The following ABHD12 variants were observed in gnomAD, a reference collection of about 807,000 sequenced individuals.
ABHD12 encodes lysophosphatidylserine lipase ABHD12.
ABHD12 carries 43 observed loss-of-function variants against 58.3 expected under a neutral mutation model. That is an observed-to-expected ratio of 0.74 (90% CI 0.58 to 0.95). The LOEUF is 0.95. Among genes scored for constraint, ABHD12 ranks in the 40% least tolerant of loss-of-function variants. The pLI, the probability that ABHD12 is intolerant of heterozygous loss-of-function variation, is 0.00. For missense variants in ABHD12, 539 were observed against 537.2 expected (o/e 1.00, Z -0.03); for synonymous variants, 219 against 211.2 (o/e 1.04, Z -0.32).
intron 2 of ABHD12, 156 bp downstream of exon 2, chr20:25,339,071 G>A (rs1345488889): frequency 1.7e-5 from 24 of 1,404,530 alleles, no homozygotes; most frequent in Non-Finnish European, 2.3e-5. Context: ...TATCTCTAAA[G>A]ATATAGGTAT....
intron 1 of ABHD12, among the ~76,000 whole-genome samples, chr20:25,342,103 C>CAAAAAA (rs11476197): frequency 4.3e-5 from 3 of 69,774 alleles, no homozygotes; most frequent in Admixed American, 1.5e-4. Flanking sequence ...AACTCTGTCT[C>CAAAAAA]AAAAAAAAAA....
intron 1 of ABHD12, among the ~76,000 whole-genome samples, chr20:25,387,681 A>G (rs537942968): frequency 2.0e-5 from 3 of 151,458 alleles, no homozygotes; most frequent in African/African-American, 7.3e-5. Context: ...TCTGGGCTGC[A>G]GTGGGCCATG....
At chr20:25,355,793 G>A (rs545211581) in intron 1 of ABHD12, among the ~76,000 whole-genome samples, 2 of 152,156 alleles carry the variant, frequency 1.3e-5, no homozygotes, top group African/African-American at 2.4e-5. Flanking sequence ...TCCTGATCTC[G>A]TGATCCACCG....
At chr20:25,313,097 A>T (rs1322275886) in intron 6 of ABHD12, among the ~76,000 whole-genome samples, 1 of 151,558 alleles carries the variant, frequency 6.6e-6, no homozygotes, top group African/African-American at 2.5e-5. Context: ...CCAACAGCTC[A>T]TTGAGAACGG....
intron 2 of ABHD12, among the ~76,000 whole-genome samples, chr20:25,323,802 G>C (rs2089125311): frequency 6.6e-6 from 1 of 152,236 alleles, no homozygotes; most frequent in Non-Finnish European, 1.5e-5. Flanking sequence ...CAGGTCTGAA[G>C]GATGGGCCAG....
intron 1 of ABHD12, among the ~76,000 whole-genome samples, chr20:25,357,942 T>C (rs1222901513): frequency 6.6e-6 from 1 of 151,774 alleles, no homozygotes; most frequent in Non-Finnish European, 1.5e-5. Context: ...GCCTGGGAGG[T>C]CGAGACTACA....
intron 1 of ABHD12, among the ~76,000 whole-genome samples, chr20:25,350,959 TCACACACACACACACACA>T (rs61061019): frequency 0.41 from 58,842 of 142,196 alleles, 12,302 homozygotes; most frequent in Non-Finnish European, 0.47. Flanking sequence ...TACGAATCCT[TCACACACACACACACACA>T]CACACACACA....
At chr20:25,296,437 G>A (rs1464344437), downstream of ABHD12, 20 of 1,613,870 alleles carry the variant, frequency 1.2e-5, no homozygotes, top group Non-Finnish European at 1.7e-5. Context: ...TCCAGTGACC[G>A]GACCATCACG....
At chr20:25,305,539 T>A (rs1043745179) in intron 10 of ABHD12, among the ~76,000 whole-genome samples, 2 of 152,018 alleles carry the variant, frequency 1.3e-5, no homozygotes, top group Admixed American at 1.3e-4. Flanking sequence ...ATTTTTGTAT[T>A]TTTAGTAGAG....
At chr20:25,308,348 T>G (rs1197955836) in intron 8 of ABHD12, 109 bp downstream of exon 8, 3 of 1,406,858 alleles carry the variant, frequency 2.1e-6, no homozygotes, top group African/African-American at 2.8e-5. Context: ...CCCCCCAGAA[T>G]GTGCAGCTCA....
At chr20:25,362,434 G>A (rs1220029604) in intron 1 of ABHD12, among the ~76,000 whole-genome samples, 3 of 151,908 alleles carry the variant, frequency 2.0e-5, no homozygotes, top group Admixed American at 2.0e-4. Flanking sequence ...GGGCGTGGTG[G>A]CGGGTGCCTA....
intron 1 of ABHD12, among the ~76,000 whole-genome samples, chr20:25,346,115 A>C (rs2089514786): frequency 6.6e-6 from 1 of 152,190 alleles, no homozygotes; most frequent in Non-Finnish European, 1.5e-5. Context: ...GGACAATGGA[A>C]TATTATTCAG....
chr20:25,328,989 G>A (rs2089222108), intron 2 of ABHD12, among the ~76,000 whole-genome samples: 1 of 152,218 alleles, frequency 6.6e-6, no homozygotes, highest in East Asian at 1.9e-4. Flanking sequence ...TGAGATGAGT[G>A]GTGAGACGGG....
downstream of ABHD12, chr20:25,298,151 G>T (rs1482875884): frequency 2.0e-5 from 3 of 152,244 alleles, no homozygotes; most frequent in Admixed American, 6.5e-5. Context: ...CAGGTCCCCC[G>T]TCTGAAACTA....
At chr20:25,335,772 A>G (rs192637737) in intron 2 of ABHD12, among the ~76,000 whole-genome samples, 1,947 of 144,312 alleles carry the variant, frequency 0.013, 22 homozygotes, top group Middle Eastern at 0.032. Flanking sequence ...ACACATGGAC[A>G]CAGGAAGGGG....
rs188992399 is a variant in ABHD12, at chr20:25,322,474, C to A, written c.422+851G>T. On this transcript the variant is annotated intron_variant, in intron 3 of 12. Coordinates refer to ENST00000339157, the MANE Select transcript of ABHD12 (RefSeq NM_001042472.3). ...AGCTCACTGCAGCCTCTGCCTCCTG[C>A]GTTCAAGCAATTCTCTTGCCTCAAA... 6.9e-3 allele frequency among the ~76,000 whole-genome samples: 986 copies of A among 143,188 alleles called. 5 individuals carry two copies. Among genetic ancestry groups the A allele is most frequent in the Middle Eastern group, 0.019 (5 of 268 alleles). 93.9% of individuals were successfully genotyped at this position (143,188 alleles called of 152,430 possible).
intron 1 of ABHD12, among the ~76,000 whole-genome samples, chr20:25,383,886 C>T (rs2090051648): frequency 2.1e-5 from 3 of 141,842 alleles, no homozygotes; most frequent in Middle Eastern, 3.9e-3. Flanking sequence ...ACCTGGCACA[C>T]GGAGGTTGCA....
At chr20:25,308,093 A>G (rs770107197) in intron 8 of ABHD12, 48 bp from the exon 9 acceptor site, 1 of 1,310,278 alleles carries the variant, frequency 7.6e-7, no homozygotes, top group Admixed American at 1.7e-5. Flanking sequence ...AGCCAGCGAC[A>G]TACATGTGGC....
intron 11 of ABHD12, chr20:25,303,301 T>TA: frequency 2.3e-6 from 3 of 1,330,736 alleles, no homozygotes; most frequent in Non-Finnish European, 2.9e-6. Context: ...TTATTTTTCA[T>TA]ATTCTTGGAG....
Sources: gnomAD v4.1 joint callset for allele counts (sites outside exome capture counted in the v4.1 genomes callset) on GRCh38, gnomAD v4.1.1 for gene constraint, MANE v1.5 for transcripts, NCBI Gene and HGNC (gene_info 2026-07-23, HGNC 2026-07-21) for gene names.